Variants in ADCY1 observed in about 807,000 individuals in gnomAD.
ADCY1 encodes adenylate cyclase type 1.
In ADCY1, 28 loss-of-function variants were observed where a neutral mutation model predicts 105.4. That is an observed-to-expected ratio of 0.27 (90% CI 0.20 to 0.36). The LOEUF is 0.36. ADCY1 is among the 10% of genes least tolerant of loss of function. The pLI is 1.00. For synonymous variants in ADCY1, 655 were observed against 623.8 expected, an observed-to-expected ratio of 1.05 and a Z score of -0.75; for missense variants, 977 against 1,434.2, an observed-to-expected ratio of 0.68 and a Z score of 5.15.
intron 2 of ADCY1, among the ~76,000 whole-genome samples, chr7:45,603,581 C>A (rs952451167): frequency 6.6e-6 from 1 of 152,162 alleles, no homozygotes; most frequent in African/African-American, 2.4e-5. Flanking sequence ...CCAGTGGCAA[C>A]ATCTGCAGAA....
chr7:45,575,209 T>C lies in ADCY1; in HGVS notation c.639+27T>C. The C allele has an allele frequency of 3.2e-6, 5 of 1,556,830 alleles. No homozygotes were observed. Among genetic ancestry groups the C allele is most frequent in the Non-Finnish European group, 4.3e-6 (5 of 1,153,936 alleles). On this transcript the variant is annotated intron_variant, in intron 1 of 19. Coordinates refer to ENST00000297323, the MANE Select transcript of ADCY1 (RefSeq NM_021116.4). The surrounding 1 kb of genome is among the most constrained non-coding windows in gnomAD (Gnocchi z 4.7). ...TAAGTGCAGCCGCGCACCCCTCATC[T>C]GGTCTCGGACACACTTGCTGGGACG...
At chr7:45,643,798 CT>C (rs764431415) in intron 4 of ADCY1, among the ~76,000 whole-genome samples, 10 of 152,094 alleles carry the variant, frequency 6.6e-5, no homozygotes, top group Non-Finnish European at 8.8e-5. Context: ...TCCATGGTTC[CT>C]TTTGGTTTCT....
At chr7:45,589,856 C>T (rs1411297864) in intron 1 of ADCY1, among the ~76,000 whole-genome samples, 1 of 152,068 alleles carries the variant, frequency 6.6e-6, no homozygotes, top group African/African-American at 2.4e-5. Flanking sequence ...GGCGCTTTTC[C>T]TTTCCAGGGC....
intron 19 of ADCY1, among the ~76,000 whole-genome samples, chr7:45,712,220 A>G (rs1785272696): frequency 8.0e-6 from 1 of 125,096 alleles, no homozygotes; most frequent in African/African-American, 2.6e-5. Context: ...TTAAATTAAT[A>G]TTAAATATAT....
intron 4 of ADCY1, among the ~76,000 whole-genome samples, chr7:45,632,317 T>G (rs1454794167): frequency 6.6e-6 from 1 of 152,226 alleles, no homozygotes; most frequent in Non-Finnish European, 1.5e-5. Flanking sequence ...GCTTTGCTTT[T>G]CCATGTGAAT....
intron 19 of ADCY1, among the ~76,000 whole-genome samples, chr7:45,711,943 A>ATATATAT (rs561008590): frequency 5.1e-5 from 3 of 58,488 alleles, no homozygotes; most frequent in African/African-American, 1.6e-4. Context: ...AAATATATAA[A>ATATATAT]TACATATTAT....
At chr7:45,711,515 C>T (rs1785229599) in intron 19 of ADCY1, among the ~76,000 whole-genome samples, 1 of 150,706 alleles carries the variant, frequency 6.6e-6, no homozygotes, top group Non-Finnish European at 1.5e-5. Flanking sequence ...TTGAATTTGT[C>T]ATCTTTTTTC....
chr7:45,639,756 C>T (rs1794489259), intron 4 of ADCY1, among the ~76,000 whole-genome samples: 2 of 152,340 alleles, frequency 1.3e-5, no homozygotes, highest in Admixed American at 1.3e-4. Flanking sequence ...AGGCGGGTCC[C>T]TGATGGGGAT....
chr7:45,654,400 T>C (rs937616198), intron 5 of ADCY1, among the ~76,000 whole-genome samples: 3 of 152,242 alleles, frequency 2.0e-5, no homozygotes, highest in Non-Finnish European at 4.4e-5. Flanking sequence ...TGAATTAAAT[T>C]AGAAGTAAAT....
At chr7:45,657,916 G>GGGTGGGC in intron 6 of ADCY1, 31 bp downstream of exon 6, 1 of 502,918 alleles carries the variant, frequency 2.0e-6, no homozygotes. Context: ...GGAGGGGAGG[G>GGGTGGGC]AGGTGGGTGA....
At chr7:45,694,137 A>AC (rs1469528311) in intron 14 of ADCY1, among the ~76,000 whole-genome samples, 4 of 133,272 alleles carry the variant, frequency 3.0e-5, no homozygotes, top group Non-Finnish European at 6.5e-5. Flanking sequence ...AAAAAAAAAA[A>AC]CACTGTCAAC....
intron 4 of ADCY1, among the ~76,000 whole-genome samples, chr7:45,638,959 A>C (rs1324850522): frequency 6.6e-6 from 1 of 151,926 alleles, no homozygotes; most frequent in Non-Finnish European, 1.5e-5. Context: ...GGTGTTGGAG[A>C]TGCAGGTGAC....
rs145126980 is a variant in ADCY1 at position 45,686,075 on chromosome 7, T to C, written c.2187T>C (p.His729=). Residue 729 remains histidine, a synonymous_variant, in exon 13 of 20, where the codon CAT becomes CAC. Transcript: ENST00000297323. The surrounding 1 kb of genome is among the most constrained non-coding windows in gnomAD (Gnocchi z 4.3). ...CCCTGCCCTGCGAGTCTACACACCA[T>C]GCCCTGCTCTGCTGCCTGGTGGGCA... ...LPTLPCESTH[H]ALLCCLVGTL... 1.4e-5 allele frequency: 23 copies of C among 1,612,326 alleles called. No individual in the cohort carries two copies. In the African/African-American group the frequency reaches 2.9e-4, roughly 21 times the overall value.
chr7:45,583,083 A>G (rs774640729), intron 1 of ADCY1, among the ~76,000 whole-genome samples: 2 of 152,158 alleles, frequency 1.3e-5, no homozygotes, highest in Non-Finnish European at 2.9e-5. Context: ...TAGAGCCTGA[A>G]CATAGCTCTC....
chr7:45,690,747 CT>C (rs1214682098), intron 14 of ADCY1, among the ~76,000 whole-genome samples: 1 of 152,244 alleles, frequency 6.6e-6, no homozygotes, highest in Admixed American at 6.5e-5. Context: ...AAAAGAGCCT[CT>C]TTATGATGGG....
intron 8 of ADCY1, among the ~76,000 whole-genome samples, chr7:45,677,492 A>T (rs1784478084): frequency 6.6e-6 from 1 of 152,114 alleles, no homozygotes; most frequent in Admixed American, 6.5e-5. Flanking sequence ...TCTTAGAAGG[A>T]GGGGGTTGGA....
At chr7:45,664,393 C>T (rs1374581820) in intron 8 of ADCY1, 9 of 1,535,916 alleles carry the variant, frequency 5.9e-6, no homozygotes, top group South Asian at 1.2e-5. Flanking sequence ...TCCTGCCCAA[C>T]AGCCACTGTC....
rs185763564 is a variant in ADCY1 at position 45,653,192 on chromosome 7, C to T, written c.1148+4395C>T. Among the ~76,000 whole-genome samples the T allele has an allele frequency of 1.2e-4, 18 of 152,296 alleles. No individual in the cohort carries two copies. In the East Asian group the frequency reaches 1.5e-3, roughly 13 times the overall value. ...GAGTTTGGTGACTGTGCTGGTCTTG[C>T]TCCTGAAGAGCTGTGTGACCCTGGA... is the stretch of plus-strand genomic sequence containing the variant. On this transcript the variant is annotated intron_variant, in intron 5 of 19. Coordinates refer to ENST00000297323, the MANE Select transcript of ADCY1 (RefSeq NM_021116.4).
Position 45,710,426 on chromosome 7 carries a change from C to G in ADCY1, c.2933-102C>G, listed in dbSNP as rs1317427161. ...GGAAACAAAGCCCTGAAAGGAGCAG[C>G]CTTTTCTCCACCAGGAGCAGCATCA... On this transcript the variant is annotated intron_variant, in intron 18 of 19. Coordinates refer to ENST00000297323, the MANE Select transcript of ADCY1 (RefSeq NM_021116.4). This position sits in a 1 kb window ranked among gnomAD's most constrained non-coding sequence, Gnocchi z 4.7. 4 of 1,513,040 alleles carry G rather than the reference C, an allele frequency of 2.6e-6. No individual in the cohort carries two copies. In the South Asian group the frequency reaches 5.1e-5, roughly 19 times the overall value. 93.7% of individuals were successfully genotyped at this position (1,513,040 alleles called of 1,614,324 possible). A position where few individuals can be genotyped will look rare whatever the true frequency, so the allele number is the denominator to read the frequency against.
Sources: allele counts gnomAD v4.1 joint callset (sites outside exome capture counted in the v4.1 genomes callset), GRCh38; gene constraint gnomAD v4.1.1; non-coding constraint Gnocchi (gnomAD v3.1); transcripts MANE v1.5; gene names NCBI Gene and HGNC (gene_info 2026-07-23, HGNC 2026-07-21).